Variants in SLC35E3 observed in about 807,000 individuals in gnomAD.
The protein encoded by SLC35E3 is solute carrier family 35 member E3.
SLC35E3 carries 28 observed loss-of-function variants against 30.8 expected under a neutral mutation model. The ratio of observed to expected loss-of-function variants is 0.91; its 90% CI spans 0.67 to 1.25. SLC35E3 has a LOEUF of 1.25. SLC35E3 is among the 50% of genes most tolerant of loss of function. The probability of loss-of-function intolerance (pLI) is 0.00; values close to 1 mark genes in which losing one functional copy is unlikely to be tolerated. For missense variants in SLC35E3, 365 were observed against 375.4 expected (o/e 0.97, Z 0.23); for synonymous variants, 146 against 149.2 (o/e 0.98, Z 0.16).
At chr12:68,751,957 A>T (rs1878812702) in intron 2 of SLC35E3, 75 bp from the exon 3 acceptor site, 3 of 1,384,276 alleles carry the variant, frequency 2.2e-6, no homozygotes, top group African/African-American at 2.9e-5. Flanking sequence ...CATCTTTGTG[A>T]CTCTAGTTGT....
chr12:68,750,740 A>G (rs186369234), intron 2 of SLC35E3, among the ~76,000 whole-genome samples: 209 of 152,328 alleles, frequency 1.4e-3, no homozygotes, highest in Non-Finnish European at 2.3e-3. Flanking sequence ...GCTGTGCCCC[A>G]AGGAGCAGGC....
rs954724289 is a variant in SLC35E3, at chr12:68,765,597, T to C, written c.*707T>C. 1 of 144,880 alleles carries C rather than the reference T, an allele frequency of 6.9e-6. No homozygotes were observed. Among genetic ancestry groups the C allele is most frequent in the African/African-American group, 2.6e-5 (1 of 38,674 alleles). The allele number at this position is 144,880 out of a possible 1,614,324, so 9.0% of individuals were successfully genotyped here. ...GCAAGACACTGTCTCTCTCTCTCTC[T>C]CCATATATATATGTGTGTGTGTGTA... On this transcript the variant is annotated 3_prime_UTR_variant, in exon 5 of 5. Transcript: ENST00000398004.
In SLC35E3 at chr12:68,764,938, ATTG is replaced by A. The variant is rs748784471; in HGVS notation, c.*51_*53del. On this transcript the variant is annotated 3_prime_UTR_variant, in exon 5 of 5. Transcript: ENST00000398004. ...ATGTTGTCCCAAGAAGATAAAAAAT[ATTG>A]TTAAGTGTGCAAGTTATTAAAAAAA... 5.0e-5 allele frequency: 78 copies of A among 1,568,258 alleles called. No homozygotes were observed. The highest frequency in any genetic ancestry group is 3.6e-4 in the South Asian group (31 of 87,234).
At chr12:68,754,769 T>C (rs1190265857) in intron 3 of SLC35E3, among the ~76,000 whole-genome samples, 1 of 152,150 alleles carries the variant, frequency 6.6e-6, no homozygotes, top group East Asian at 1.9e-4. Context: ...TGGGGACTTT[T>C]ATTTTTTAGA....
In SLC35E3 at chr12:68,773,292, A is replaced by G. The variant is rs1879655343; in HGVS notation, c.*8402A>G. The G allele has an allele frequency of 6.6e-6, 1 of 152,160 alleles. No homozygotes were observed. Among genetic ancestry groups the G allele is most frequent in the Non-Finnish European group, 1.5e-5 (1 of 68,046 alleles). 9.4% of individuals were successfully genotyped at this position (152,160 alleles called of 1,614,324 possible). The stretch of plus-strand genomic sequence containing the variant: ...TTCAGGAGGTGGGAGGCTCAAAATC[A>G]ATTACTCTGTTGAGGAGATGGAATC... On this transcript the variant is annotated 3_prime_UTR_variant, in exon 5 of 5. Transcript: ENST00000398004.
In SLC35E3 at chr12:68,781,167, T is replaced by C. The variant is rs1743429136; in HGVS notation, c.*16277T>C. On this transcript the variant is annotated 3_prime_UTR_variant, in exon 5 of 5. Coordinates refer to ENST00000398004, the MANE Select transcript of SLC35E3 (RefSeq NM_018656.5). ...GATTGTAATATAAACTTAAATCACT[T>C]TGGGAATGAATTTAAAAAATCTATG... 6.6e-6 allele frequency: 1 copy of C among 152,212 alleles called. No individual in the cohort carries two copies. The highest frequency in any genetic ancestry group is 2.4e-5 in the African/African-American group (1 of 41,456). 9.4% of individuals were successfully genotyped at this position (152,212 alleles called of 1,614,324 possible). A position where few individuals can be genotyped will look rare whatever the true frequency, so the allele number is the denominator to read the frequency against.
chr12:68,749,011 C>T (rs561751582), intron 2 of SLC35E3, among the ~76,000 whole-genome samples: 2 of 152,296 alleles, frequency 1.3e-5, no homozygotes, highest in South Asian at 4.1e-4. Context: ...AAAGAAGAGG[C>T]TAGTGAACAT....
rs1318687693 is a variant in SLC35E3 at position 68,780,561 on chromosome 12, C to T, written c.*15671C>T. ...GGAGTGCAATGGCATGATCTGGACT[C>T]ACCGCAACCTCCGCCTCCTGGGTTC... On this transcript the variant is annotated 3_prime_UTR_variant, in exon 5 of 5. Transcript: ENST00000398004. 6.7e-6 allele frequency: 1 copy of T among 148,900 alleles called. No individual in the cohort carries two copies. Among genetic ancestry groups the T allele is most frequent in the Non-Finnish European group, 1.5e-5 (1 of 68,218 alleles). The allele number at this position is 148,900 out of a possible 1,614,324, so 9.2% of individuals were successfully genotyped here. A position where few individuals can be genotyped will look rare whatever the true frequency, so the allele number is the denominator to read the frequency against.
chr12:68,776,560 C>T lies in SLC35E3; in HGVS notation c.*11670C>T, dbSNP rs1468282027. 1 of 152,018 alleles carries T rather than the reference C, an allele frequency of 6.6e-6. No individual in the cohort carries two copies. Among genetic ancestry groups the T allele is most frequent in the Non-Finnish European group, 1.5e-5 (1 of 68,634 alleles). The allele number at this position is 152,018 out of a possible 1,614,324, so 9.4% of individuals were successfully genotyped here. A position where few individuals can be genotyped will look rare whatever the true frequency, so the allele number is the denominator to read the frequency against. ...AATTAGTCAGCTGTGATGGTGTGCA[C>T]CTGTAGTCCCAGCTACTCTGAAAGC... On this transcript the variant is annotated 3_prime_UTR_variant, in exon 5 of 5. Coordinates refer to ENST00000398004, the MANE Select transcript of SLC35E3 (RefSeq NM_018656.5).
chr12:68,749,485 C>A (rs1878712858), intron 2 of SLC35E3, among the ~76,000 whole-genome samples: 1 of 152,200 alleles, frequency 6.6e-6, no homozygotes, highest in Non-Finnish European at 1.5e-5. Context: ...CAGCAGACAT[C>A]TTTTCTGCAT....
chr12:68,757,714 G>A (rs1879075049), intron 3 of SLC35E3, among the ~76,000 whole-genome samples: 1 of 152,190 alleles, frequency 6.6e-6, no homozygotes, highest in African/African-American at 2.4e-5. Flanking sequence ...TTGAGGGCAG[G>A]AACTTTGTAC....
chr12:68,750,445 CA>C (rs1288102431), intron 2 of SLC35E3, among the ~76,000 whole-genome samples: 4 of 152,202 alleles, frequency 2.6e-5, no homozygotes, highest in Admixed American at 2.0e-4. Context: ...GGGAGGAGTA[CA>C]AACCAGAGGG....
Position 68,780,790 on chromosome 12 carries a change from C to A in SLC35E3, c.*15900C>A, listed in dbSNP as rs1376272904. ...ATGAGCCACCGCGCCCAGCTAGTCA[C>A]GCTTTTTAGTCAAGATTTTTAAAAA... is the stretch of plus-strand genomic sequence containing the variant. On this transcript the variant is annotated 3_prime_UTR_variant, in exon 5 of 5. Transcript: ENST00000398004. 1.3e-5 allele frequency: 2 copies of A among 152,006 alleles called. No homozygotes were observed. Among genetic ancestry groups the A allele is most frequent in the Non-Finnish European group, 2.9e-5 (2 of 67,992 alleles). 9.4% of individuals were successfully genotyped at this position (152,006 alleles called of 1,614,324 possible). A position where few individuals can be genotyped will look rare whatever the true frequency, so the allele number is the denominator to read the frequency against.
rs1023364287 is a variant in SLC35E3, at chr12:68,768,231, G to A, written c.*3341G>A. On this transcript the variant is annotated 3_prime_UTR_variant, in exon 5 of 5. Transcript: ENST00000398004. ...TTGAACCAGGGAGTCGGAGGTTGCA[G>A]TGAGCCGAGACTGCGCCATTGCACA... 1 of 152,114 alleles carries A rather than the reference G, an allele frequency of 6.6e-6. No homozygotes were observed. Among genetic ancestry groups the A allele is most frequent in the Non-Finnish European group, 1.5e-5 (1 of 68,040 alleles). The allele number at this position is 152,114 out of a possible 1,614,324, so 9.4% of individuals were successfully genotyped here.
chr12:68,777,549 A>G lies in SLC35E3; in HGVS notation c.*12659A>G, dbSNP rs1592552573. On this transcript the variant is annotated 3_prime_UTR_variant, in exon 5 of 5. Transcript: ENST00000398004. ...AAGGGCTGTTACCATGGAGTTCTTGAATTTCATTATTTATCTCCCAACACA... is the reference window on the plus strand; with the variant it reads ...AAGGGCTGTTACCATGGAGTTCTTGGATTTCATTATTTATCTCCCAACACA... The G allele has an allele frequency of 6.6e-6, 1 of 152,118 alleles. No homozygotes were observed. The highest frequency in any genetic ancestry group is 2.4e-5 in the African/African-American group (1 of 41,414). The allele number at this position is 152,118 out of a possible 1,614,324, so 9.4% of individuals were successfully genotyped here.
Position 68,764,959 on chromosome 12 carries a change from TAAA to T in SLC35E3, c.*79_*81del. ...AAATATTGTTAAGTGTGCAAGTTAT[TAAA>T]AAAAAAAAATTGGGCCAGGCACGGT... On this transcript the variant is annotated 3_prime_UTR_variant, in exon 5 of 5. Coordinates refer to ENST00000398004, the MANE Select transcript of SLC35E3 (RefSeq NM_018656.5). 3 of 1,182,124 alleles carry T rather than the reference TAAA, an allele frequency of 2.5e-6. No homozygotes were observed. Among genetic ancestry groups the T allele is most frequent in the Non-Finnish European group, 3.4e-6 (3 of 872,098 alleles). 73.2% of individuals were successfully genotyped at this position (1,182,124 alleles called of 1,614,324 possible).
At position 68,768,151 on chromosome 12, in the gene SLC35E3, T is replaced by C. The variant is rs1272754852; in HGVS notation, c.*3261T>C. On this transcript the variant is annotated 3_prime_UTR_variant, in exon 5 of 5. Transcript: ENST00000398004. ...TAAAAATACAAAAATTAGCTGGGCA[T>C]GGTGGCGGGCGCCTGTAATTCCAGC... The C allele has an allele frequency of 6.6e-6, 1 of 152,184 alleles. No homozygotes were observed. The highest frequency in any genetic ancestry group is 1.5e-5 in the Non-Finnish European group (1 of 68,068). The allele number at this position is 152,184 out of a possible 1,614,324, so 9.4% of individuals were successfully genotyped here.
At chr12:68,764,611 G>C in intron 4 of SLC35E3, 93 bp from the exon 5 acceptor site, 2 of 1,190,318 alleles carry the variant, frequency 1.7e-6, no homozygotes, top group Non-Finnish European at 1.2e-6. Flanking sequence ...CATCTGATGG[G>C]CTGCTTTTGG....
At chr12:68,753,250 C>G (rs1323445125) in intron 3 of SLC35E3, among the ~76,000 whole-genome samples, 1 of 151,762 alleles carries the variant, frequency 6.6e-6, no homozygotes, top group Non-Finnish European at 1.5e-5. Context: ...CCACTGCACT[C>G]CAGCCTGGGC....
Sources: allele counts gnomAD v4.1 joint callset (sites outside exome capture counted in the v4.1 genomes callset), GRCh38; gene constraint gnomAD v4.1.1; transcripts MANE v1.5; gene names NCBI Gene and HGNC (gene_info 2026-07-23, HGNC 2026-07-21).